Variants in ATP13A3 observed in about 807,000 individuals in gnomAD.
ATP13A3 encodes the protein ATPase 13A3, also known as polyamine-transporting ATPase 13A3.
In ATP13A3, 59 loss-of-function variants were observed where a neutral mutation model predicts 158.1. That is an observed-to-expected ratio of 0.37 (90% CI 0.30 to 0.46). The LOEUF (loss-of-function observed/expected upper bound fraction) is 0.46, where lower values mean the gene tolerates loss of function less well. ATP13A3 is among the 20% of genes least tolerant of loss of function. The probability of loss-of-function intolerance (pLI) is 1.00; values close to 1 mark genes in which losing one functional copy is unlikely to be tolerated. For missense variants in ATP13A3, 1,166 were observed against 1,525.2 expected, an observed-to-expected ratio of 0.76 and a Z score of 3.92; for synonymous variants, 491 against 504.3, an observed-to-expected ratio of 0.97 and a Z score of 0.35.
intron 3 of ATP13A3, 108 bp downstream of exon 3, chr3:194,462,032 T>C: frequency 9.8e-7 from 1 of 1,018,460 alleles, no homozygotes; most frequent in Non-Finnish European, 1.5e-6. Context: ...GCCCATTGAG[T>C]TAGCTGCTGC....
At chr3:194,421,819 C>G (rs993527668) in intron 30 of ATP13A3, among the ~76,000 whole-genome samples, 2 of 151,484 alleles carry the variant, frequency 1.3e-5, no homozygotes, top group Non-Finnish European at 2.9e-5. Context: ...GAGAGAAACA[C>G]GGAGACTAAA....
In ATP13A3 at chr3:194,486,659, C is replaced by T. The variant is rs1157448012; in HGVS notation, c.-182G>A. The T allele has an allele frequency of 1.2e-3, 181 of 148,790 alleles. No individual in the cohort carries two copies. The highest frequency in any genetic ancestry group is 1.5e-3 in the Non-Finnish European group (98 of 66,520). The allele number at this position is 148,790 out of a possible 1,614,324, so 9.2% of individuals were successfully genotyped here. A position where few individuals can be genotyped will look rare whatever the true frequency, so the allele number is the denominator to read the frequency against. ...GGGACCGCGGGGGACCCGGCCGCCG[C>T]TGTCGCCGCCGCCGCCTCGCCTCAG... On this transcript the variant is annotated 5_prime_UTR_variant, in exon 1 of 34. Transcript: ENST00000645319.
intron 33 of ATP13A3, among the ~76,000 whole-genome samples, chr3:194,408,777 GGTTT>G (rs201670180): frequency 0.032 from 4,795 of 152,174 alleles, 241 homozygotes; most frequent in African/African-American, 0.11. Context: ...TGCAAGCATA[GGTTT>G]GTTAGTTTAC....
At chr3:194,473,611 G>A (rs746179008) in intron 2 of ATP13A3, among the ~76,000 whole-genome samples, 4 of 152,000 alleles carry the variant, frequency 2.6e-5, no homozygotes, top group East Asian at 1.9e-4. Flanking sequence ...CACCTTGAAC[G>A]TGCCAATCTC....
chr3:194,416,817 A>G (rs1201475216), intron 31 of ATP13A3, among the ~76,000 whole-genome samples: 1 of 152,182 alleles, frequency 6.6e-6, no homozygotes, highest in East Asian at 1.9e-4. Context: ...ATAAAGTCTG[A>G]TAAGGCTTCT....
Position 194,438,935 on chromosome 3 carries a change from T to C in ATP13A3, c.1748A>G (p.His583Arg). The change falls in exon 17 of 34, where the codon CAT becomes CGT. Residue 583 changes from histidine to arginine, a missense_variant. Physicochemically the swap from His to Arg is conservative, Grantham distance 29. Transcript: ENST00000645319. ...EEATEEETAL[H>R]NRIMPTVVRP... is the part of the protein sequence containing the mutation. ...AACCACTGTGGGCATAATTCGATTA[T>C]GAAGTGCTGTTTCTTCTTCAGTTGC... 2 of 1,607,294 alleles carry C rather than the reference T, an allele frequency of 1.2e-6. No homozygotes were observed. The highest frequency in any genetic ancestry group is 1.7e-6 in the Non-Finnish European group (2 of 1,177,244).
At chr3:194,447,161 C>T (rs368796702) in intron 13 of ATP13A3, 46 bp from the exon 14 acceptor site, 234 of 1,486,326 alleles carry the variant, frequency 1.6e-4, no homozygotes, top group Non-Finnish European at 2.1e-4. Context: ...GTATTATTTA[C>T]GGATTTAATA....
intron 4 of ATP13A3, 81 bp downstream of exon 4, chr3:194,460,577 T>A: frequency 7.2e-7 from 1 of 1,393,800 alleles, no homozygotes; most frequent in Non-Finnish European, 9.8e-7. Flanking sequence ...GTTCCCTTCA[T>A]CTATTATTTC....
Position 194,431,075 on chromosome 3 carries a change from G to C in ATP13A3, c.2544+29C>G, listed in dbSNP as rs759381080. On this transcript the variant is annotated intron_variant, in intron 23 of 33. Transcript: ENST00000645319. ...AAATACTGTTGCGATGCATTCATGT[G>C]AGCACACACATACACCCAAATTACT... 6.8e-6 allele frequency: 11 copies of C among 1,613,354 alleles called. No individual in the cohort carries two copies. In the East Asian group the frequency reaches 2.2e-4, roughly 33 times the overall value.
intron 2 of ATP13A3, among the ~76,000 whole-genome samples, chr3:194,469,702 G>T (rs1221142026): frequency 6.6e-6 from 1 of 151,986 alleles, no homozygotes; most frequent in African/African-American, 2.4e-5. Context: ...ATAAATATTT[G>T]ATAAACCCAT....
Position 194,431,162 on chromosome 3 carries a change from GC to G in ATP13A3, c.2485del (p.Ala829GlnfsTer2). 1 of 1,613,592 alleles carries G rather than the reference GC, an allele frequency of 6.2e-7. No homozygotes were observed. The highest frequency in any genetic ancestry group is 8.5e-7 in the Non-Finnish European group (1 of 1,179,566). On this transcript the variant is annotated frameshift_variant, in exon 23 of 34. Transcript: ENST00000645319. LOFTEE classifies it high-confidence loss of function. ...EDLQMTRYHF[A>X]MNGKSFSVIL... is the part of the protein sequence containing the mutation. The stretch of plus-strand genomic sequence containing the variant: ...CACTGAGAATGATTTTCCATTCATT[GC>G]AAAATGATAACGAGTCATTTGAAGA...
chr3:194,470,581 A>T (rs906419907), intron 2 of ATP13A3, among the ~76,000 whole-genome samples: 5 of 148,712 alleles, frequency 3.4e-5, no homozygotes, highest in East Asian at 1.9e-4. Flanking sequence ...CTCTCTTTAT[A>T]AAAAAAAATG....
intron 2 of ATP13A3, among the ~76,000 whole-genome samples, chr3:194,476,438 C>T (rs190757218): frequency 6.6e-6 from 1 of 152,314 alleles, no homozygotes; most frequent in African/African-American, 2.4e-5. Context: ...ACCACCCAGC[C>T]ACCACCAATT....
intron 2 of ATP13A3, among the ~76,000 whole-genome samples, chr3:194,492,818 T>A (rs2109098189): frequency 6.6e-6 from 1 of 152,312 alleles, no homozygotes; most frequent in African/African-American, 2.4e-5. Flanking sequence ...GCAAACATAT[T>A]TTTATGTATA....
Position 194,415,661 on chromosome 3 carries a change from C to CTTTTTTTTTTTTTTTTTT in ATP13A3, c.3403-1840_3403-1823dup, listed in dbSNP as rs751005733. Among the ~76,000 whole-genome samples the CTTTTTTTTTTTTTTTTTT allele has an allele frequency of 6.6e-5, 6 of 90,926 alleles. 1 individual carries two copies. Among genetic ancestry groups the CTTTTTTTTTTTTTTTTTT allele is most frequent in the African/African-American group, 2.8e-4 (6 of 21,118 alleles). 59.7% of individuals were successfully genotyped at this position (90,926 alleles called of 152,430 possible). On this transcript the variant is annotated intron_variant, in intron 31 of 33. Coordinates refer to ENST00000645319, the MANE Select transcript of ATP13A3 (RefSeq NM_001367549.1). Reference sequence around the variant, plus strand: ...GTGCAAGGATTTACAATACCACATTCTTTTTTTTTTTTTTTTTTTTTTTTT... The same window carrying CTTTTTTTTTTTTTTTTTT: ...GTGCAAGGATTTACAATACCACATTCTTTTTTTTTTTTTTTTTTTTTTTTTTTTTTTTTTTTTTTTTTT...
In ATP13A3 at chr3:194,429,868, T is replaced by C. The variant is rs1020266541; in HGVS notation, c.2778-94A>G. On this transcript the variant is annotated intron_variant, in intron 26 of 33. Coordinates refer to ENST00000645319, the MANE Select transcript of ATP13A3 (RefSeq NM_001367549.1). ...TTATCTTGACAGATGAACATCAACATTCAACGGCTACAACAAAGTGCTTAT... is the reference window on the plus strand; with the variant it reads ...TTATCTTGACAGATGAACATCAACACTCAACGGCTACAACAAAGTGCTTAT... The C allele has an allele frequency of 4.3e-6, 5 of 1,175,092 alleles. No individual in the cohort carries two copies. The African/African-American group carries it at 7.7e-5, about 18-fold the overall frequency. The allele number at this position is 1,175,092 out of a possible 1,614,324, so 72.8% of individuals were successfully genotyped here.
chr3:194,413,487 C>T (rs1299199135), intron 32 of ATP13A3, among the ~76,000 whole-genome samples: 2 of 152,168 alleles, frequency 1.3e-5, no homozygotes, highest in Admixed American at 6.5e-5. Flanking sequence ...ACCGAGGCCC[C>T]AAACTTCTCT....
intron 8 of ATP13A3, among the ~76,000 whole-genome samples, chr3:194,454,845 G>A (rs889276817): frequency 2.0e-5 from 3 of 151,626 alleles, no homozygotes; most frequent in Non-Finnish European, 2.9e-5. Context: ...AAAAAGGTAG[G>A]GCAATATGCC....
chr3:194,414,998 T>C (rs138711190), intron 31 of ATP13A3, among the ~76,000 whole-genome samples: 130 of 152,276 alleles, frequency 8.5e-4, no homozygotes, highest in African/African-American at 2.9e-3. Context: ...CCAGAATGTA[T>C]TGAGTGACCA....
Sources: allele counts gnomAD v4.1 joint callset (sites outside exome capture counted in the v4.1 genomes callset), GRCh38; gene constraint gnomAD v4.1.1; transcripts MANE v1.5; gene names NCBI Gene and HGNC (gene_info 2026-07-23, HGNC 2026-07-21).